Variants in TM9SF2 observed in about 807,000 individuals in gnomAD.
TM9SF2 encodes 76 kDa membrane protein.
In TM9SF2, 13 loss-of-function variants were observed where a neutral mutation model predicts 84.9. The observed-to-expected ratio is 0.15, with a 90% CI of 0.10 to 0.24. The LOEUF is 0.24. Ranked by LOEUF, TM9SF2 falls within the 10% of genes least tolerant of loss-of-function variation. The pLI is 1.00. For missense variants in TM9SF2, 562 were observed against 818.5 expected (o/e 0.69, Z 3.82); for synonymous variants, 273 against 285.8 (o/e 0.96, Z 0.45).
intron 1 of TM9SF2, 60 bp downstream of exon 1, chr13:99,501,837 G>C: frequency 3.2e-6 from 5 of 1,551,936 alleles, no homozygotes; most frequent in East Asian, 2.4e-5. Flanking sequence ...GTCCCTATCC[G>C]GGGGAGCTGA....
chr13:99,536,890 T>C (rs936094766), intron 5 of TM9SF2, among the ~76,000 whole-genome samples, 153 bp downstream of exon 5: 1 of 152,210 alleles, frequency 6.6e-6, no homozygotes, highest in South Asian at 2.1e-4. Context: ...TTACAGCAGA[T>C]TAATAATGTA....
At chr13:99,531,608 C>T (rs898687062) in intron 4 of TM9SF2, among the ~76,000 whole-genome samples, 1 of 152,192 alleles carries the variant, frequency 6.6e-6, no homozygotes, top group Admixed American at 6.5e-5. Flanking sequence ...TAACATCTAC[C>T]TGAACCCCAT....
chr13:99,518,397 C>G (rs561184771), intron 2 of TM9SF2, among the ~76,000 whole-genome samples: 1 of 152,346 alleles, frequency 6.6e-6, no homozygotes, highest in East Asian at 1.9e-4. Flanking sequence ...AGGCGTGAGC[C>G]ACTGCACCTG....
intron 10 of TM9SF2, among the ~76,000 whole-genome samples, chr13:99,546,778 A>G (rs2046284483): frequency 1.3e-5 from 2 of 152,206 alleles, no homozygotes. Flanking sequence ...AGAAACTTCC[A>G]AAGTGAAGTT....
intron 3 of TM9SF2, among the ~76,000 whole-genome samples, chr13:99,528,554 C>T (rs2139087041): frequency 6.6e-6 from 1 of 152,304 alleles, no homozygotes; most frequent in East Asian, 1.9e-4. Context: ...GTAATATTGT[C>T]TCTCTGCTTA....
chr13:99,547,538 A>T (rs993930134), intron 11 of TM9SF2, among the ~76,000 whole-genome samples: 1 of 152,242 alleles, frequency 6.6e-6, no homozygotes, highest in African/African-American at 2.4e-5. Flanking sequence ...ACATTGTATC[A>T]ATTTAATATT....
At chr13:99,536,917 A>G (rs1054604199) in intron 5 of TM9SF2, among the ~76,000 whole-genome samples, 180 bp downstream of exon 5, 9 of 152,218 alleles carry the variant, frequency 5.9e-5, no homozygotes, top group African/African-American at 2.2e-4. Context: ...GAGGTTTAGA[A>G]TTGGAATAAT....
chr13:99,527,588 A>G (rs9585114), intron 3 of TM9SF2, among the ~76,000 whole-genome samples: 3,904 of 152,288 alleles, frequency 0.026, 172 homozygotes, highest in African/African-American at 0.088. Flanking sequence ...AATTGGAGAT[A>G]AGATTTGGGT....
rs969300627 is a variant in TM9SF2 at position 99,558,357 on chromosome 13, G to A, written c.1753-1006G>A. Among the ~76,000 whole-genome samples, 6 of 152,190 alleles carry A rather than the reference G, an allele frequency of 3.9e-5. No individual in the cohort carries two copies. In the South Asian group the frequency reaches 1.2e-3, roughly 32 times the overall value. On this transcript the variant is annotated intron_variant, in intron 15 of 16. Transcript: ENST00000376387. ...TTAACTTTTCCAATCTGCAAAAATT[G>A]AATCATTGGATTATTGGAATTATGA...
chr13:99,546,820 A>T lies in TM9SF2; in HGVS notation c.1151-165A>T, dbSNP rs1475130535. Among the ~76,000 whole-genome samples, 11 of 152,318 alleles carry T rather than the reference A, an allele frequency of 7.2e-5. No individual in the cohort carries two copies. The East Asian group carries it at 2.1e-3, about 29-fold the overall frequency. On this transcript the variant is annotated intron_variant, in intron 10 of 16. Coordinates refer to ENST00000376387, the MANE Select transcript of TM9SF2 (RefSeq NM_004800.3). Reference sequence around the variant, plus strand: ...ATGTATGATCAGATTGGTGCAGTACAGTAAATATTACTAAGATTGTGTAGA... The same window carrying T: ...ATGTATGATCAGATTGGTGCAGTACTGTAAATATTACTAAGATTGTGTAGA...
chr13:99,526,720 A>G (rs1171426294), intron 3 of TM9SF2, among the ~76,000 whole-genome samples: 2 of 152,166 alleles, frequency 1.3e-5, no homozygotes, highest in African/African-American at 4.8e-5. Flanking sequence ...GAGGATCAAA[A>G]GGTCATTGTT....
chr13:99,543,756 TA>T (rs887122670), intron 9 of TM9SF2, 106 bp from the exon 10 acceptor site: 9 of 1,441,420 alleles, frequency 6.2e-6, no homozygotes, highest in Admixed American at 2.3e-5. Flanking sequence ...TTTTTAAGTT[TA>T]AAAAAAACCT....
chr13:99,532,147 G>GTCCACGCCATTCTCCTGCC (rs1291128440), intron 4 of TM9SF2, among the ~76,000 whole-genome samples: 25 of 151,766 alleles, frequency 1.6e-4, no homozygotes, highest in African/African-American at 6.0e-4. Flanking sequence ...CGCCTCCCGG[G>GTCCACGCCATTCTCCTGCC]TCCACGCCAT....
At chr13:99,533,651 T>C (rs776974712) in intron 4 of TM9SF2, among the ~76,000 whole-genome samples, 2 of 152,202 alleles carry the variant, frequency 1.3e-5, no homozygotes, top group Non-Finnish European at 2.9e-5. Flanking sequence ...CGAATACTTT[T>C]TATTTTTTTA....
In TM9SF2 at chr13:99,552,131, C is replaced by T. The variant is rs1229612043; in HGVS notation, c.1329-36C>T. 12 of 1,596,716 alleles carry T rather than the reference C, an allele frequency of 7.5e-6. No homozygotes were observed. The East Asian group carries it at 2.7e-4, about 36-fold the overall frequency. On this transcript the variant is annotated intron_variant, in intron 12 of 16. Transcript: ENST00000376387. ...ACATACTACTGTTGCATTTTGTTAT[C>T]TCTGGTTTTACCCAAAAGCCTGTTG...
chr13:99,526,848 C>A (rs2046186019), intron 3 of TM9SF2, among the ~76,000 whole-genome samples: 1 of 151,936 alleles, frequency 6.6e-6, no homozygotes, highest in Non-Finnish European at 1.5e-5. Flanking sequence ...ATGACAAGAA[C>A]AGGAAGGAGT....
At chr13:99,549,264 A>C (rs768377225) in intron 12 of TM9SF2, 42 bp downstream of exon 12, 4 of 1,551,528 alleles carry the variant, frequency 2.6e-6, no homozygotes. Context: ...ACATAGTTAC[A>C]TGTTAGTCCC....
intron 1 of TM9SF2, among the ~76,000 whole-genome samples, chr13:99,511,281 TTGTG>T (rs2046112590): frequency 1.3e-5 from 2 of 152,154 alleles, no homozygotes; most frequent in Non-Finnish European, 2.9e-5. Context: ...CTTGTCTTAT[TTGTG>T]TGTATTTATG....
At chr13:99,513,213 C>CT (rs1278301279) in intron 1 of TM9SF2, among the ~76,000 whole-genome samples, 2 of 152,080 alleles carry the variant, frequency 1.3e-5, no homozygotes, top group Admixed American at 6.6e-5. Context: ...TTACATGAAA[C>CT]TTTAACATGT....
Sources: gnomAD v4.1 joint callset for allele counts (sites outside exome capture counted in the v4.1 genomes callset) on GRCh38, gnomAD v4.1.1 for gene constraint, MANE v1.5 for transcripts, NCBI Gene and HGNC (gene_info 2026-07-23, HGNC 2026-07-21) for gene names.